ACSL5: variants seen among roughly 807,000 people sequenced by gnomAD.
ACSL5 encodes the protein long-chain-fatty-acid--CoA ligase 5.
A neutral mutation model predicts 84.9 loss-of-function variants in ACSL5; 50 were observed. The ratio of observed to expected loss-of-function variants is 0.59; its 90% confidence interval spans 0.47 to 0.75. The LOEUF is 0.75. Ranked by LOEUF, ACSL5 falls within the 30% of genes least tolerant of loss-of-function variation. ACSL5 has a pLI of 0.00. For synonymous variants in ACSL5, 280 were observed against 300.7 expected, an observed-to-expected ratio of 0.93 and a Z score of 0.71; for missense variants, 775 against 830.4, an observed-to-expected ratio of 0.93 and a Z score of 0.82.
Position 112,397,913 on chromosome 10 carries a change from G to T in ACSL5, c.157-988G>T, listed in dbSNP as rs543680578. 3.3e-5 allele frequency among the ~76,000 whole-genome samples: 5 copies of T among 152,022 alleles called. No homozygotes were observed. In the East Asian group the frequency reaches 9.7e-4, roughly 29 times the overall value. Reference sequence around the variant, plus strand: ...ATGCATTCAGTAGAAGTTTAAACTCGATAAGATAAAAAAGATATAAAACTA... The same window carrying T: ...ATGCATTCAGTAGAAGTTTAAACTCTATAAGATAAAAAAGATATAAAACTA... On this transcript the variant is annotated intron_variant, in intron 2 of 20. Transcript: ENST00000354655.
chr10:112,421,436 C>A (rs912593201), intron 14 of ACSL5, among the ~76,000 whole-genome samples, 157 bp from the exon 15 acceptor site: 4 of 152,208 alleles, frequency 2.6e-5, no homozygotes, highest in Non-Finnish European at 5.9e-5. Flanking sequence ...GCTGGGATTA[C>A]AGGCATGAGC....
chr10:112,423,247 C>T (rs1440587212), intron 17 of ACSL5, among the ~76,000 whole-genome samples: 2 of 62,410 alleles, frequency 3.2e-5, no homozygotes, highest in African/African-American at 1.2e-4. Context: ...TATATATAGG[C>T]TGGAAGTCAT....
Position 112,413,271 on chromosome 10 carries a change from C to T in ACSL5, c.1047C>T (p.Pro349=), listed in dbSNP as rs189212974. ...DMKTLKPTLF[P]AVPRLLNRIY... ...AGACTTTGAAGCCCACATTGTTTCCCGCGGTGCCTCGACTCCTTAACAGGA... is the reference window on the plus strand; with the variant it reads ...AGACTTTGAAGCCCACATTGTTTCCTGCGGTGCCTCGACTCCTTAACAGGA... The change falls in exon 12 of 21, where the codon CCC becomes CCT. Residue 349 remains proline, a synonymous_variant. Transcript: ENST00000354655. 120 of 1,614,182 alleles carry T rather than the reference C, an allele frequency of 7.4e-5. No individual in the cohort carries two copies. The highest frequency in any genetic ancestry group is 1.3e-4 in the East Asian group (6 of 44,888).
chr10:112,391,110 GGCTCAT>G (rs1396685641), intron 1 of ACSL5, among the ~76,000 whole-genome samples: 1 of 152,194 alleles, frequency 6.6e-6, no homozygotes, highest in Non-Finnish European at 1.5e-5. Context: ...CAGGTGCAAT[GGCTCAT>G]GCCTGTAATC....
chr10:112,425,902 G>C (rs145877511), intron 18 of ACSL5, among the ~76,000 whole-genome samples: 1 of 152,088 alleles, frequency 6.6e-6, no homozygotes, highest in Non-Finnish European at 1.5e-5. Context: ...ATGCTTAAAC[G>C]TAGCTTTAAG....
At chr10:112,407,150 T>C (rs1844058826) in intron 5 of ACSL5, among the ~76,000 whole-genome samples, 1 of 152,170 alleles carries the variant, frequency 6.6e-6, no homozygotes, top group South Asian at 2.1e-4. Context: ...TTGAATTACC[T>C]CCCCCTGGGT....
intron 2 of ACSL5, chr10:112,396,165 G>T (rs1171733275): frequency 6.6e-6 from 1 of 152,144 alleles, no homozygotes; most frequent in Non-Finnish European, 1.5e-5. Context: ...CAATTGACTT[G>T]AGACTTCTTT....
intron 18 of ACSL5, 127 bp downstream of exon 18, chr10:112,425,608 A>AAAAG (rs1844643587): frequency 1.1e-6 from 1 of 933,420 alleles, no homozygotes; most frequent in Admixed American, 3.7e-5. Context: ...AAAAAAAAAA[A>AAAAG]AAAATGAAGT....
chr10:112,402,410 G>A (rs1315870297), intron 3 of ACSL5, among the ~76,000 whole-genome samples: 1 of 152,172 alleles, frequency 6.6e-6, no homozygotes, highest in East Asian at 1.9e-4. Flanking sequence ...CATGGAGTAA[G>A]CATTTAATAA....
intron 1 of ACSL5, among the ~76,000 whole-genome samples, chr10:112,384,526 G>C (rs1316068962): frequency 2.0e-5 from 3 of 152,060 alleles, no homozygotes; most frequent in South Asian, 2.1e-4. Context: ...TTTTGTTTTT[G>C]AGACAGAGTC....
At chr10:112,403,610 A>G (rs1173363504) in intron 3 of ACSL5, among the ~76,000 whole-genome samples, 1 of 152,212 alleles carries the variant, frequency 6.6e-6, no homozygotes, top group Non-Finnish European at 1.5e-5. Flanking sequence ...TAAAGACACT[A>G]TTTAGCAGTC....
At chr10:112,412,479 G>A (rs1451463215) in intron 11 of ACSL5, 2 of 154,026 alleles carry the variant, frequency 1.3e-5, no homozygotes, top group African/African-American at 4.8e-5. Flanking sequence ...CATACCGGAG[G>A]AGGTCTGCTC....
intron 1 of ACSL5, among the ~76,000 whole-genome samples, chr10:112,386,228 CT>C (rs1358904898): frequency 1.7e-5 from 2 of 114,314 alleles, no homozygotes; most frequent in African/African-American, 6.9e-5. Context: ...GAGTCTGGCT[CT>C]GTTGCCCATG....
At chr10:112,391,919 A>G (rs928115494) in intron 1 of ACSL5, among the ~76,000 whole-genome samples, 4 of 151,996 alleles carry the variant, frequency 2.6e-5, no homozygotes, top group Non-Finnish European at 5.9e-5. Context: ...TCCCATATGT[A>G]TTACCAGTCA....
At chr10:112,404,853 T>A in intron 5 of ACSL5, 47 bp downstream of exon 5, 2 of 1,508,498 alleles carry the variant, frequency 1.3e-6, no homozygotes, top group Middle Eastern at 1.7e-4. Flanking sequence ...GGGTTAAGTT[T>A]AAAAACTTCA....
intron 14 of ACSL5, among the ~76,000 whole-genome samples, chr10:112,420,703 TTTC>T (rs1844435491): frequency 6.6e-6 from 1 of 152,082 alleles, no homozygotes; most frequent in African/African-American, 2.4e-5. Context: ...AATGCTGCAT[TTTC>T]TTTTCTTTTT....
intron 5 of ACSL5, among the ~76,000 whole-genome samples, chr10:112,405,111 G>A (rs1430604903): frequency 6.6e-6 from 1 of 152,192 alleles, no homozygotes; most frequent in East Asian, 1.9e-4. Flanking sequence ...CGCCAAATAA[G>A]ATCTTGAAGA....
At chr10:112,423,737 G>A (rs1386933301) in intron 17 of ACSL5, among the ~76,000 whole-genome samples, 1 of 152,128 alleles carries the variant, frequency 6.6e-6, no homozygotes, top group Non-Finnish European at 1.5e-5. Flanking sequence ...TTTGCTACCA[G>A]CCAGGGAAAA....
At chr10:112,378,079 C>T (rs746474711) in intron 1 of ACSL5, among the ~76,000 whole-genome samples, 17 of 152,048 alleles carry the variant, frequency 1.1e-4, no homozygotes, top group Non-Finnish European at 1.9e-4. Flanking sequence ...ACCTAACCAT[C>T]CACCTATAGT....
Sources: gnomAD v4.1 joint callset for allele counts (sites outside exome capture counted in the v4.1 genomes callset) on GRCh38, gnomAD v4.1.1 for gene constraint, MANE v1.5 for transcripts, NCBI Gene and HGNC (gene_info 2026-07-23, HGNC 2026-07-21) for gene names.